The following ACSM2A variants were observed in gnomAD, a reference collection of about 807,000 sequenced individuals.
ACSM2A encodes acyl-CoA synthetase medium chain family member 2A.
A neutral mutation model predicts 76.6 loss-of-function variants in ACSM2A; 72 were observed. The observed-to-expected ratio is 0.94, with a 90% CI of 0.78 to 1.14. ACSM2A has a LOEUF of 1.14. Ranked by LOEUF, ACSM2A falls within the 50% of genes most tolerant of loss-of-function variation. The pLI, the probability that ACSM2A is intolerant of heterozygous loss-of-function variation, is 0.00. For synonymous variants in ACSM2A, 249 were observed against 255.9 expected (o/e 0.97, Z 0.26); for missense variants, 684 against 708.5 (o/e 0.97, Z 0.39).
chr16:20,458,904 G>GCATATATATATATATATATATATATATA (rs1226769654), intron 1 of ACSM2A, among the ~76,000 whole-genome samples: 2 of 27,392 alleles, frequency 7.3e-5, no homozygotes, highest in Non-Finnish European at 1.1e-4. Flanking sequence ...ATATATATAT[G>GCATATATATATATATATATATATATATA]CATATATATA....
At chr16:20,458,592 TA>T (rs1289789971) in intron 1 of ACSM2A, among the ~76,000 whole-genome samples, 2 of 144,102 alleles carry the variant, frequency 1.4e-5, no homozygotes, top group Non-Finnish European at 3.0e-5. Context: ...ATAGTATATA[TA>T]TTTTTTATAT....
intron 9 of ACSM2A, among the ~76,000 whole-genome samples, chr16:20,477,746 T>A (rs1455891858): frequency 6.6e-6 from 1 of 152,182 alleles, no homozygotes; most frequent in Non-Finnish European, 1.5e-5. Context: ...AATCTTGACA[T>A]AATATTTTGT....
intron 6 of ACSM2A, among the ~76,000 whole-genome samples, chr16:20,471,906 C>T (rs1473304077): frequency 6.6e-6 from 1 of 152,092 alleles, no homozygotes; most frequent in Non-Finnish European, 1.5e-5. Flanking sequence ...GGAGTATGTT[C>T]AGGAGAAAGA....
In ACSM2A at chr16:20,483,188, T is replaced by C. The variant is rs777530765; in HGVS notation, c.1629+11T>C. ...AAGTACCCAAGAAAGGTAAGGCCTTTGAGCTCCCAAGTCACTCAAACTTGA... is the reference window on the plus strand; with the variant it reads ...AAGTACCCAAGAAAGGTAAGGCCTTCGAGCTCCCAAGTCACTCAAACTTGA... On this transcript the variant is annotated intron_variant, in intron 13 of 13. Transcript: ENST00000573854. The C allele has an allele frequency of 2.5e-6, 4 of 1,613,230 alleles. No homozygotes were observed. In the Admixed American group the frequency reaches 6.7e-5, roughly 27 times the overall value.
intron 1 of ACSM2A, among the ~76,000 whole-genome samples, chr16:20,458,840 G>C (rs71373192): frequency 1.5e-5 from 2 of 134,882 alleles, no homozygotes; most frequent in East Asian, 2.1e-4. Context: ...ATATAAAAAA[G>C]AATTTTTTAT....
intron 2 of ACSM2A, among the ~76,000 whole-genome samples, chr16:20,463,586 A>G (rs982095717): frequency 6.6e-6 from 1 of 151,970 alleles, no homozygotes; most frequent in African/African-American, 2.4e-5. Context: ...ACCTTCTTCC[A>G]TGGCTGTAAT....
intron 2 of ACSM2A, among the ~76,000 whole-genome samples, chr16:20,464,531 G>T (rs2012851124): frequency 6.6e-6 from 1 of 152,168 alleles, no homozygotes; most frequent in Non-Finnish European, 1.5e-5. Flanking sequence ...GACAGAGAGT[G>T]AGAAGGTGCC....
chr16:20,465,513 T>A lies in ACSM2A; in HGVS notation c.178-4T>A. 2 of 1,613,844 alleles carry A rather than the reference T, an allele frequency of 1.2e-6. No individual in the cohort carries two copies. Among genetic ancestry groups the A allele is most frequent in the Non-Finnish European group, 1.7e-6 (2 of 1,179,760 alleles). ...CCTGATCAACAGGGCTTCTCTTTCC[T>A]CAGGCTGGCAAGCGACTCCCAAGCC... On this transcript the variant is annotated splice_region_variant and splice_polypyrimidine_tract_variant and intron_variant, in intron 2 of 13. Transcript: ENST00000573854.
intron 13 of ACSM2A, among the ~76,000 whole-genome samples, chr16:20,485,341 G>A (rs1048289254): frequency 7.2e-5 from 11 of 152,132 alleles, no homozygotes; most frequent in African/African-American, 2.7e-4. Flanking sequence ...TCTCAAGGCA[G>A]CGGATTATTT....
chr16:20,458,946 A>C (rs1168488611), intron 1 of ACSM2A, among the ~76,000 whole-genome samples: 19 of 142,372 alleles, frequency 1.3e-4, no homozygotes, highest in African/African-American at 3.8e-4. Flanking sequence ...ATATATATAT[A>C]ATGAAATACT....
intron 1 of ACSM2A, among the ~76,000 whole-genome samples, chr16:20,458,610 A>G (rs2012357754): frequency 7.0e-6 from 1 of 143,450 alleles, no homozygotes; most frequent in Non-Finnish European, 1.5e-5. Context: ...ATATATATAT[A>G]TATGTATTTT....
chr16:20,476,242 C>G, intron 8 of ACSM2A: 1 of 995,392 alleles, frequency 1.0e-6, no homozygotes, highest in Non-Finnish European at 1.2e-6. Context: ...CACCTCCTGA[C>G]ATATCTTCTT....
intron 2 of ACSM2A, among the ~76,000 whole-genome samples, chr16:20,460,658 C>A (rs2141694288): frequency 6.7e-6 from 1 of 148,966 alleles, no homozygotes; most frequent in Admixed American, 6.7e-5. Context: ...GCCTGGGCAA[C>A]ACAGCGAGAC....
chr16:20,483,569 CAAAAAAAAAAAAA>C lies in ACSM2A; in HGVS notation c.1629+413_1629+425del, dbSNP rs60606533. Reference sequence around the variant, plus strand: ...CAGGTGACAGAGTGAGACTCTGTCTCAAAAAAAAAAAAAAAAAAAAAAAAAAAAAAAAAGTCTT... The same window carrying C: ...CAGGTGACAGAGTGAGACTCTGTCTCAAAAAAAAAAAAAAAAAAAAGTCTT... On this transcript the variant is annotated intron_variant, in intron 13 of 13. Coordinates refer to ENST00000573854, the MANE Select transcript of ACSM2A (RefSeq NM_001308172.2). Among the ~76,000 whole-genome samples, 63 of 32,220 alleles carry C rather than the reference CAAAAAAAAAAAAA, an allele frequency of 2.0e-3. No individual in the cohort carries two copies. In the South Asian group the frequency reaches 0.038, roughly 19 times the overall value. The allele number at this position is 32,220 out of a possible 152,430, so 21.1% of individuals were successfully genotyped here.
rs569825060 is a variant in ACSM2A at position 20,459,984 on chromosome 16, C to A, written c.-8-123C>A. ...ATGCTGAGTGCCAATTTACTCATAA[C>A]TACAGCAAATTAATTCCTGGGAAGA... On this transcript the variant is annotated intron_variant, in intron 1 of 13. Transcript: ENST00000573854. 1.1e-5 allele frequency: 16 copies of A among 1,422,818 alleles called. No individual in the cohort carries two copies. The African/African-American group carries it at 2.0e-4, about 18-fold the overall frequency. 88.1% of individuals were successfully genotyped at this position (1,422,818 alleles called of 1,614,324 possible). A position where few individuals can be genotyped will look rare whatever the true frequency, so the allele number is the denominator to read the frequency against.
chr16:20,461,091 CTCTT>C (rs2012593120), intron 2 of ACSM2A, among the ~76,000 whole-genome samples: 1 of 144,982 alleles, frequency 6.9e-6, no homozygotes, highest in Non-Finnish European at 1.5e-5. Context: ...AGTCCTATGA[CTCTT>C]TCTGTAGGAT....
In ACSM2A at chr16:20,471,200, G is replaced by T. The variant is rs200202580; in HGVS notation, c.724G>T (p.Ala242Ser). 6.2e-7 allele frequency: 1 copy of T among 1,610,258 alleles called. No individual in the cohort carries two copies. The highest frequency in any genetic ancestry group is 1.7e-5 in the Admixed American group (1 of 59,772). ...EHSYSSLGLK[A>S]KMDAGWTGLQ... ...TTCCTACTCGAGCCTGGGCCTCAAGGCCAAGATGGATGCTGGGTAAGCTGA... is the reference window on the plus strand; with the variant it reads ...TTCCTACTCGAGCCTGGGCCTCAAGTCCAAGATGGATGCTGGGTAAGCTGA... Residue 242 changes from alanine (A) to serine (S), a missense_variant, in exon 5 of 14, where the codon GCC (alanine) becomes TCC (serine). Ala to Ser is a moderately conservative substitution (Grantham distance 99). This residue lies in a region of ACSM2A where 519 missense variants were observed against 549.5 expected (regional missense o/e 0.94). Coordinates refer to ENST00000573854, the MANE Select transcript of ACSM2A (RefSeq NM_001308172.2).
intron 1 of ACSM2A, among the ~76,000 whole-genome samples, chr16:20,457,772 C>T (rs2012281908): frequency 6.6e-6 from 1 of 152,050 alleles, no homozygotes; most frequent in African/African-American, 2.4e-5. Context: ...TGAATGCTTA[C>T]TCTCACCACT....
intron 3 of ACSM2A, 128 bp from the exon 4 acceptor site, chr16:20,469,384 C>T (rs1372923087): frequency 6.8e-7 from 1 of 1,471,288 alleles, no homozygotes; most frequent in African/African-American, 1.4e-5. Flanking sequence ...TTTATTGACA[C>T]TCTCTATTGG....
Sources: gnomAD v4.1 joint callset for allele counts (sites outside exome capture counted in the v4.1 genomes callset) on GRCh38, gnomAD v4.1.1 for gene constraint, gnomAD v4.1.1 regional missense constraint, MANE v1.5 for transcripts, NCBI Gene and HGNC (gene_info 2026-07-23, HGNC 2026-07-21) for gene names.